Variants in HIKESHI observed in about 807,000 individuals in gnomAD.
HIKESHI encodes the protein protein Hikeshi.
Under a neutral mutation model 25.7 loss-of-function variants are expected in HIKESHI, and 13 were observed. The observed-to-expected ratio is 0.51, with a 90% CI of 0.33 to 0.80. The LOEUF is 0.80. Among genes scored for constraint, HIKESHI ranks in the 30% least tolerant of loss-of-function variants. The pLI is 0.02. For missense variants in HIKESHI, 174 were observed against 229.5 expected (o/e 0.76, Z 1.56); for synonymous variants, 76 against 78.7 (o/e 0.97, Z 0.18).
intron 1 of HIKESHI, 73 bp from the exon 2 acceptor site, chr11:86,306,165 ATATAACT>A (rs1258266200): frequency 1.1e-6 from 1 of 887,328 alleles, no homozygotes; most frequent in Non-Finnish European, 1.8e-6. Context: ...TATGCTGGTA[ATATAACT>A]TATAAATGAT....
At chr11:86,322,164 T>G (rs1034281849) in intron 2 of HIKESHI, among the ~76,000 whole-genome samples, 1 of 151,968 alleles carries the variant, frequency 6.6e-6, no homozygotes, top group Non-Finnish European at 1.5e-5. Context: ...TTTTATATTT[T>G]TTTTAGTAGA....
intron 2 of HIKESHI, among the ~76,000 whole-genome samples, chr11:86,314,562 A>C (rs1284251407): frequency 6.6e-6 from 1 of 152,090 alleles, no homozygotes; most frequent in East Asian, 1.9e-4. Context: ...TTGCAGTTGC[A>C]GTGAGCCAAG....
In HIKESHI at chr11:86,333,557, C is replaced by CAA. The variant is rs111979847; in HGVS notation, c.269-3811_269-3810dup. The stretch of plus-strand genomic sequence containing the variant: ...CTCAACAACAACAACAACAAACAAA[C>CAA]AAAAAAAAAAAAGAAAAGAAATATG... On this transcript the variant is annotated intron_variant, in intron 2 of 4. Transcript: ENST00000278483. Among the ~76,000 whole-genome samples, 1,285 of 144,612 alleles carry CAA rather than the reference C, an allele frequency of 8.9e-3. 19 individuals carry two copies. The highest frequency in any genetic ancestry group is 0.026 in the African/African-American group (1,032 of 39,612). 94.9% of individuals were successfully genotyped at this position (144,612 alleles called of 152,430 possible). A position where few individuals can be genotyped will look rare whatever the true frequency, so the allele number is the denominator to read the frequency against.
intron 2 of HIKESHI, among the ~76,000 whole-genome samples, chr11:86,310,987 C>T (rs1373878491): frequency 6.6e-6 from 1 of 152,140 alleles, no homozygotes; most frequent in African/African-American, 2.4e-5. Context: ...AGGATTTTTG[C>T]ATCGATGTTC....
At position 86,314,233 on chromosome 11, in the gene HIKESHI, T is replaced by C. The variant is rs560861107; in HGVS notation, c.268+7751T>C. Reference sequence around the variant, plus strand: ...AATGATATCTGATTTTATTTTGCTCTGAGGCGTCTGTGAAGAATGAACTGG... The same window carrying C: ...AATGATATCTGATTTTATTTTGCTCCGAGGCGTCTGTGAAGAATGAACTGG... On this transcript the variant is annotated intron_variant, in intron 2 of 4. Transcript: ENST00000278483. Among the ~76,000 whole-genome samples the C allele has an allele frequency of 2.6e-4, 39 of 152,314 alleles. No homozygotes were observed. In the South Asian group the frequency reaches 4.8e-3, roughly 19 times the overall value.
intron 3 of HIKESHI, among the ~76,000 whole-genome samples, chr11:86,338,281 G>A (rs1226346887): frequency 6.6e-6 from 1 of 152,044 alleles, no homozygotes; most frequent in South Asian, 2.1e-4. Context: ...CATGCTATTT[G>A]TCTTTCTGTT....
intron 2 of HIKESHI, among the ~76,000 whole-genome samples, chr11:86,329,592 T>A (rs1329765601): frequency 6.6e-6 from 1 of 151,904 alleles, no homozygotes; most frequent in Non-Finnish European, 1.5e-5. Flanking sequence ...TTTTTTTTCT[T>A]TTTGCCTTAT....
chr11:86,309,347 GTTGGC>G (rs1946771977), intron 2 of HIKESHI, among the ~76,000 whole-genome samples: 2 of 152,138 alleles, frequency 1.3e-5, no homozygotes, highest in Non-Finnish European at 2.9e-5. Context: ...TCACGTGTCT[GTTGGC>G]TACATACATG....
chr11:86,312,209 G>A (rs1946853813), intron 2 of HIKESHI, among the ~76,000 whole-genome samples: 1 of 152,138 alleles, frequency 6.6e-6, no homozygotes, highest in Admixed American at 6.6e-5. Context: ...CTCTTTGTAG[G>A]TCTCTAAGGG....
intron 2 of HIKESHI, among the ~76,000 whole-genome samples, chr11:86,320,037 A>G (rs987242555): frequency 2.0e-5 from 3 of 152,230 alleles, no homozygotes; most frequent in Non-Finnish European, 4.4e-5. Context: ...AAGGCAGGAT[A>G]AATGCTTCAT....
Position 86,302,400 on chromosome 11 carries a change from C to A in HIKESHI, c.-49C>A, listed in dbSNP as rs1342738866. ...GACTAGGGCAGTAGCCCCAGGACTC[C>A]TAGTCGCCGGCTTCAGGTCACTGCC... is the stretch of plus-strand genomic sequence containing the variant. On this transcript the variant is annotated 5_prime_UTR_variant, in exon 1 of 5. Coordinates refer to ENST00000278483, the MANE Select transcript of HIKESHI (RefSeq NM_016401.4). 1 of 1,550,712 alleles carries A rather than the reference C, an allele frequency of 6.4e-7. No individual in the cohort carries two copies. The highest frequency in any genetic ancestry group is 8.7e-7 in the Non-Finnish European group (1 of 1,146,784).
chr11:86,316,115 TAAAAAAAA>T (rs11340933), intron 2 of HIKESHI, among the ~76,000 whole-genome samples: 1 of 75,246 alleles, frequency 1.3e-5, no homozygotes, highest in Non-Finnish European at 2.4e-5. Context: ...CTGTCTCCAT[TAAAAAAAA>T]AAAAAAAAAA....
intron 2 of HIKESHI, among the ~76,000 whole-genome samples, chr11:86,330,871 G>A (rs1400061340): frequency 6.6e-6 from 1 of 151,898 alleles, no homozygotes; most frequent in Non-Finnish European, 1.5e-5. Context: ...TCAGTATTCA[G>A]ACAGTCAACT....
rs71040230 is a variant in HIKESHI, at chr11:86,318,303, C to CAAAAA, written c.268+11837_268+11841dup. On this transcript the variant is annotated intron_variant, in intron 2 of 4. Transcript: ENST00000278483. The stretch of plus-strand genomic sequence containing the variant: ...TGGGCGACAGAGCAAGACTCCGTCT[C>CAAAAA]AAAAAAAAAAAAAAAAAAAATCCTG... 5.8e-3 allele frequency among the ~76,000 whole-genome samples: 207 copies of CAAAAA among 35,634 alleles called. 27 individuals carry two copies. The highest frequency in any genetic ancestry group is 0.012 in the South Asian group (10 of 856). The allele number at this position is 35,634 out of a possible 152,430, so 23.4% of individuals were successfully genotyped here. A position where few individuals can be genotyped will look rare whatever the true frequency, so the allele number is the denominator to read the frequency against.
intron 2 of HIKESHI, among the ~76,000 whole-genome samples, chr11:86,326,952 A>C (rs1247731035): frequency 6.6e-6 from 1 of 152,168 alleles, no homozygotes; most frequent in Non-Finnish European, 1.5e-5. Flanking sequence ...AGAGCTGGGC[A>C]TGGTGGCGTG....
At chr11:86,326,321 A>T (rs973322946) in intron 2 of HIKESHI, among the ~76,000 whole-genome samples, 4 of 152,164 alleles carry the variant, frequency 2.6e-5, no homozygotes, top group Non-Finnish European at 4.4e-5. Context: ...AATAAATAAA[A>T]AATAAAATAA....
At chr11:86,321,374 A>C (rs1457383796) in intron 2 of HIKESHI, among the ~76,000 whole-genome samples, 1 of 152,170 alleles carries the variant, frequency 6.6e-6, no homozygotes, top group African/African-American at 2.4e-5. Flanking sequence ...ATAAAAATAA[A>C]ACTGCTGTGA....
At chr11:86,342,790 C>G (rs190138614) in intron 3 of HIKESHI, among the ~76,000 whole-genome samples, 33 of 150,414 alleles carry the variant, frequency 2.2e-4, no homozygotes, top group Non-Finnish European at 3.8e-4. Context: ...TCTGGGCTGT[C>G]TCTTTTATTC....
At chr11:86,311,865 C>T (rs867192103) in intron 2 of HIKESHI, among the ~76,000 whole-genome samples, 4 of 152,084 alleles carry the variant, frequency 2.6e-5, no homozygotes, top group East Asian at 1.9e-4. Context: ...TGTAGTTGAG[C>T]GGTTTTGAGT....
Sources: gnomAD v4.1 joint callset for allele counts (sites outside exome capture counted in the v4.1 genomes callset) on GRCh38, gnomAD v4.1.1 for gene constraint, MANE v1.5 for transcripts, NCBI Gene and HGNC (gene_info 2026-07-23, HGNC 2026-07-21) for gene names.